Variants in COL6A3 observed in about 807,000 individuals in gnomAD.
COL6A3 encodes collagen type VI alpha 3 chain.
Under a neutral mutation model 274.1 loss-of-function variants are expected in COL6A3, and 137 were observed. That is an observed-to-expected ratio of 0.50 (90% CI 0.44 to 0.58). The LOEUF (loss-of-function observed/expected upper bound fraction) is 0.58, where lower values mean the gene tolerates loss of function less well. Among genes scored for constraint, COL6A3 ranks in the 20% least tolerant of loss-of-function variants. The pLI is 0.00. For missense variants in COL6A3, 3,950 were observed against 4,124.9 expected, an observed-to-expected ratio of 0.96 and a Z score of 1.16; for synonymous variants, 1,650 against 1,650.6, an observed-to-expected ratio of 1.00 and a Z score of 0.01.
chr2:237,379,643 CACAA>C (rs1259441699), intron 5 of COL6A3, among the ~76,000 whole-genome samples: 1 of 152,172 alleles, frequency 6.6e-6, no homozygotes, highest in Non-Finnish European at 1.5e-5. Context: ...CACCTCTACC[CACAA>C]ACAGAGGGTC....
intron 41 of COL6A3, 27 bp from the exon 42 acceptor site, chr2:237,333,575 G>C (rs369662070): frequency 1.9e-6 from 3 of 1,589,496 alleles, no homozygotes; most frequent in Non-Finnish European, 2.6e-6. Context: ...TATGCAACTC[G>C]TAGGTAAATC....
chr2:237,366,683 T>C lies in COL6A3; in HGVS notation c.5500+4A>G, dbSNP rs1197802093. The C allele has an allele frequency of 3.7e-6, 6 of 1,613,868 alleles. No homozygotes were observed. The highest frequency in any genetic ancestry group is 2.7e-5 in the African/African-American group (2 of 74,826). The stretch of plus-strand genomic sequence containing the variant: ...ATGGAAAATATGCACATAATGGGAG[T>C]TACCTTTGGCAGCATCAGTTACACC... On this transcript the variant is annotated splice_donor_region_variant and intron_variant, in intron 11 of 43. Coordinates refer to ENST00000295550, the MANE Select transcript of COL6A3 (RefSeq NM_004369.4).
chr2:237,388,087 A>C lies in COL6A3; in HGVS notation c.807T>G (p.Leu269=). The change falls in exon 4 of 44, where the codon CTT becomes CTG. Residue 269 remains leucine, a synonymous_variant. Transcript: ENST00000295550. ...GCTGAGTTCCAATTGGGAGTTTCTC[A>C]AGGAGATTTACAAGGAAGTCGAGAA... ...AVILDFLVNL[L]EKLPIGTQQI... The C allele has an allele frequency of 6.2e-7, 1 of 1,614,224 alleles. No individual in the cohort carries two copies. The highest frequency in any genetic ancestry group is 8.5e-7 in the Non-Finnish European group (1 of 1,180,032).
chr2:237,394,956 C>T lies in COL6A3; in HGVS notation c.340G>A (p.Gly114Arg). ...AATCCTTTTCCAGTCTGATTGGTTC[C>T]CCCAATATAAGACATGTTGGAAATA... ...SHISNMSYIG[G>R]TNQTGKGLEY... Residue 114 changes from glycine (G) to arginine (R), a missense_variant, in exon 3 of 44, where the codon GGA becomes AGA. Coordinates refer to ENST00000295550, the MANE Select transcript of COL6A3 (RefSeq NM_004369.4). The T allele has an allele frequency of 6.2e-7, 1 of 1,614,054 alleles. No homozygotes were observed. Among genetic ancestry groups the T allele is most frequent in the Non-Finnish European group, 8.5e-7 (1 of 1,180,002 alleles).
rs1035337590 is a variant in COL6A3 at position 237,375,938 on chromosome 2, T to C, written c.3070+834A>G. ...AGGGACCCCTTTTATTTTGGAACTTTTCAATGCTTGAAGAGTATTGTTAGC... is the reference window on the plus strand; with the variant it reads ...AGGGACCCCTTTTATTTTGGAACTTCTCAATGCTTGAAGAGTATTGTTAGC... On this transcript the variant is annotated intron_variant, in intron 7 of 43. Transcript: ENST00000295550. 2.0e-5 allele frequency among the ~76,000 whole-genome samples: 3 copies of C among 152,346 alleles called. No individual in the cohort carries two copies. In the South Asian group the frequency reaches 6.2e-4, roughly 32 times the overall value.
In COL6A3 at chr2:237,340,517, T is replaced by C; in HGVS notation, c.8399A>G (p.Lys2800Arg). 1.2e-6 allele frequency: 2 copies of C among 1,614,138 alleles called. No homozygotes were observed. The highest frequency in any genetic ancestry group is 1.7e-6 in the Non-Finnish European group (2 of 1,180,030). Residue 2800 changes from lysine to arginine, a missense_variant, in exon 38 of 44, where the codon AAG becomes AGG. By Grantham distance (26) the Lys-to-Arg change is conservative. Transcript: ENST00000295550. ...PNDVFFKLVD[K>R]STELNEEPLM... ...AGGCTCCTCGTTGAGCTCGGTGGACTTGTCCACTAATTTGAAGAAGACGTC... is the reference window on the plus strand; with the variant it reads ...AGGCTCCTCGTTGAGCTCGGTGGACCTGTCCACTAATTTGAAGAAGACGTC...
chr2:237,332,051 ATCTCTC>A (rs1200135188), intron 42 of COL6A3, among the ~76,000 whole-genome samples: 1 of 89,364 alleles, frequency 1.1e-5, no homozygotes, highest in Non-Finnish European at 2.3e-5. Context: ...CTCTCCCCCC[ATCTCTC>A]TCTCTCTCTC....
intron 3 of COL6A3, among the ~76,000 whole-genome samples, chr2:237,394,148 A>G (rs563864184): frequency 6.6e-6 from 1 of 152,368 alleles, no homozygotes; most frequent in East Asian, 1.9e-4. Context: ...GCTCTCTGCT[A>G]GTCCACTGGA....
rs984098062 is a variant in COL6A3, at chr2:237,380,838, C to T, written c.1897+77G>A. The T allele has an allele frequency of 3.1e-6, 4 of 1,301,910 alleles. No homozygotes were observed. The South Asian group carries it at 3.7e-5, about 12-fold the overall frequency. The allele number at this position is 1,301,910 out of a possible 1,614,324, so 80.6% of individuals were successfully genotyped here. On this transcript the variant is annotated intron_variant, in intron 5 of 43. Coordinates refer to ENST00000295550, the MANE Select transcript of COL6A3 (RefSeq NM_004369.4). Reference sequence around the variant, plus strand: ...GTTGTCTCTTAGCTAAACACAAACACACTTCATTTTGTTTTGTTCTTAAAG... The same window carrying T: ...GTTGTCTCTTAGCTAAACACAAACATACTTCATTTTGTTTTGTTCTTAAAG...
Position 237,324,507 on chromosome 2 carries a change from T to A in COL6A3, c.*267A>T. ...AGGGAATTTGGATTGATAGGAATGT[T>A]CACATAAACACCAGCAGTGGCTAAC... On this transcript the variant is annotated 3_prime_UTR_variant, in exon 44 of 44. Coordinates refer to ENST00000295550, the MANE Select transcript of COL6A3 (RefSeq NM_004369.4). 2.2e-6 allele frequency: 1 copy of A among 448,604 alleles called. No individual in the cohort carries two copies. The highest frequency in any genetic ancestry group is 4.0e-5 in the East Asian group (1 of 25,298). The allele number at this position is 448,604 out of a possible 1,614,324, so 27.8% of individuals were successfully genotyped here.
At chr2:237,342,016 G>A (rs201840494) in intron 37 of COL6A3, 49 bp downstream of exon 37, 12 of 1,454,406 alleles carry the variant, frequency 8.3e-6, no homozygotes, top group Admixed American at 5.1e-5. Context: ...TGGATATTAT[G>A]TTTTGCAATT....
At position 237,348,402 on chromosome 2, in the gene COL6A3, ATTAT is replaced by A. The variant is rs1439483643; in HGVS notation, c.6931-22_6931-19del. On this transcript the variant is annotated intron_variant, in intron 29 of 43. Coordinates refer to ENST00000295550, the MANE Select transcript of COL6A3 (RefSeq NM_004369.4). ...CTTTCTCCCTATAAAGGAAAAATAG[ATTAT>A]TTAATACTTGGTTCTAATTTAAATT... is the stretch of plus-strand genomic sequence containing the variant. 6.4e-7 allele frequency: 1 copy of A among 1,574,678 alleles called. No homozygotes were observed. The highest frequency in any genetic ancestry group is 1.3e-5 in the African/African-American group (1 of 74,110).
At chr2:237,348,003 C>T in intron 30 of COL6A3, 134 bp from the exon 31 acceptor site, 1 of 799,486 alleles carries the variant, frequency 1.3e-6, no homozygotes, top group Non-Finnish European at 2.1e-6. Flanking sequence ...TTTTGATTCA[C>T]TTTTCCAGTG....
rs2077918149 is a variant in COL6A3 at position 237,378,762 on chromosome 2, A to G, written c.2371T>C (p.Phe791Leu). Reference protein sequence around the residue: ...ANKAELEQIAFNPSLVYLMDD... With the variant: ...ANKAELEQIALNPSLVYLMDD... ...ATGAGATACACCAGGCTTGGGTTAA[A>G]AGCAATCTGCTCAAGCTCTGCCTTA... The change falls in exon 6 of 44, where the codon TTT becomes CTT. Residue 791 changes from phenylalanine (F) to leucine (L), a missense_variant. Transcript: ENST00000295550. 6.2e-7 allele frequency: 1 copy of G among 1,614,108 alleles called. No homozygotes were observed. The highest frequency in any genetic ancestry group is 8.5e-7 in the Non-Finnish European group (1 of 1,180,056).
intron 4 of COL6A3, among the ~76,000 whole-genome samples, chr2:237,383,537 A>G (rs1280827483): frequency 6.6e-6 from 1 of 152,092 alleles, no homozygotes; most frequent in East Asian, 1.9e-4. Flanking sequence ...ATATATGTAT[A>G]TAGATACACA....
intron 22 of COL6A3, 131 bp from the exon 23 acceptor site, chr2:237,357,522 C>T: frequency 2.2e-6 from 2 of 914,406 alleles, no homozygotes; most frequent in South Asian, 2.6e-5. Flanking sequence ...GACAGTTGCA[C>T]ACTTTGCAGG....
chr2:237,338,614 A>G (rs112523013), intron 39 of COL6A3, among the ~76,000 whole-genome samples: 15,488 of 152,134 alleles, frequency 0.1, 805 homozygotes, highest in Middle Eastern at 0.17. Flanking sequence ...AAAAAAATAC[A>G]AAAATTAGCC....
chr2:237,396,827 G>A lies in COL6A3; in HGVS notation c.-10C>T. The stretch of plus-strand genomic sequence containing the variant: ...GCCGATGTTTCCTCATTTTGAATTT[G>A]TCTAAGCACCAAATATGAACCTAAA... On this transcript the variant is annotated 5_prime_UTR_variant, in exon 2 of 44. Transcript: ENST00000295550. The A allele has an allele frequency of 6.2e-7, 1 of 1,613,330 alleles. No homozygotes were observed. Among genetic ancestry groups the A allele is most frequent in the South Asian group, 1.1e-5 (1 of 91,066 alleles).
In COL6A3 at chr2:237,374,892, C is replaced by A. The variant is rs148175795; in HGVS notation, c.3199G>T (p.Val1067Leu). Residue 1067 changes from valine to leucine, a missense_variant, in exon 8 of 44, where the codon GTG becomes TTG. Val to Leu is a conservative substitution (Grantham distance 32, BLOSUM62 1). This residue lies in a region of COL6A3 where 1,934 missense variants were observed against 1,984.3 expected (regional missense o/e 0.97). Transcript: ENST00000295550. This position sits in a 1 kb window ranked among gnomAD's most constrained non-coding sequence, Gnocchi z 4.8. ...CGGTCGCTGTACTGCACCACGGCCA[C>A]GCGGACCCGGTCCTGGCCCACATCC... ...SLDVGQDRVR[V>L]AVVQYSDRTR... 1 of 1,613,918 alleles carries A rather than the reference C, an allele frequency of 6.2e-7. No individual in the cohort carries two copies. The highest frequency in any genetic ancestry group is 1.7e-5 in the Admixed American group (1 of 59,994).
Sources: gnomAD v4.1 joint callset for allele counts (sites outside exome capture counted in the v4.1 genomes callset) on GRCh38, gnomAD v4.1.1 for gene constraint, gnomAD v4.1.1 regional missense constraint, Gnocchi (gnomAD v3.1) non-coding constraint, MANE v1.5 for transcripts, NCBI Gene and HGNC (gene_info 2026-07-23, HGNC 2026-07-21) for gene names.